The following ORC1 variants were observed in gnomAD, a reference collection of about 807,000 sequenced individuals.
ORC1 encodes the protein origin recognition complex, subunit 1 homolog.
Under a neutral mutation model 98.9 loss-of-function variants are expected in ORC1, and 61 were observed. That is an observed-to-expected ratio of 0.62 (90% confidence interval 0.50 to 0.76). The LOEUF (loss-of-function observed/expected upper bound fraction) is 0.76. ORC1 is among the 30% of genes least tolerant of loss of function. The probability of loss-of-function intolerance (pLI) is 0.00; values close to 1 mark genes in which losing one functional copy is unlikely to be tolerated. For missense variants in ORC1, 979 were observed against 1,072.2 expected (o/e 0.91, Z 1.21); for synonymous variants, 385 against 406.9 (o/e 0.95, Z 0.65).
Position 52,396,148 on chromosome 1 carries a change from G to A in ORC1, c.619C>T (p.His207Tyr). Residue 207 changes from histidine (H) to tyrosine (Y), a missense_variant, in exon 5 of 17, where the codon CAT becomes TAT. By Grantham distance (83) the His-to-Tyr change is moderately conservative (BLOSUM62 2). Coordinates refer to ENST00000371568, the MANE Select transcript of ORC1 (RefSeq NM_004153.4). ...CTTGATTCAATCCTTTTGGCCACAT[G>A]TTCTGCTGGGGTCCAAGAAGGGCTC... The part of the protein sequence containing the change: ...AESPSWTPAE[H>Y]VAKRIESRHS... 1 of 1,614,146 alleles carries A rather than the reference G, an allele frequency of 6.2e-7. No individual in the cohort carries two copies. The highest frequency in any genetic ancestry group is 1.1e-5 in the South Asian group (1 of 91,086).
At chr1:52,393,040 C>A (rs961725820) in intron 6 of ORC1, among the ~76,000 whole-genome samples, 1 of 152,098 alleles carries the variant, frequency 6.6e-6, no homozygotes, top group Non-Finnish European at 1.5e-5. Flanking sequence ...ACCTGTTCCC[C>A]AAAAACTATT....
upstream of ORC1, chr1:52,408,414 T>G: frequency 1.0e-6 from 1 of 954,138 alleles, no homozygotes; most frequent in Non-Finnish European, 1.7e-6. Context: ...ATATTTTAGC[T>G]GTCTTTCTTC....
Position 52,388,615 on chromosome 1 carries a change from C to A in ORC1, c.1210G>T (p.Asp404Tyr). The change falls in exon 8 of 17, where the codon GAC becomes TAC. Residue 404 changes from aspartate to tyrosine, a missense_variant. By Grantham distance (160) the Asp-to-Tyr change is radical (BLOSUM62 -3). Coordinates refer to ENST00000371568, the MANE Select transcript of ORC1 (RefSeq NM_004153.4). The part of the protein sequence containing the change: ...QLRFLGNSKS[D>Y]QEEKEILPAA... ...GGCAGAATCTCTTTCTCTTCTTGGT[C>A]ACTTTTACTATTACCTAGAAACCTG... is the stretch of plus-strand genomic sequence containing the variant. 1.2e-6 allele frequency: 2 copies of A among 1,613,882 alleles called. No homozygotes were observed. Among genetic ancestry groups the A allele is most frequent in the South Asian group, 2.2e-5 (2 of 91,034 alleles).
chr1:52,392,133 ACTT>A (rs542153876), intron 6 of ORC1, among the ~76,000 whole-genome samples: 2 of 150,804 alleles, frequency 1.3e-5, no homozygotes, highest in African/African-American at 2.4e-5. Context: ...AAAAGGGAAC[ACTT>A]CTTTTTTTTT....
chr1:52,406,284 A>C (rs186720903), upstream of ORC1, among the ~76,000 whole-genome samples: 418 of 151,830 alleles, frequency 2.8e-3, no homozygotes, highest in African/African-American at 8.9e-3. Context: ...GAGCCACCAC[A>C]CCCTGCCAAG....
At chr1:52,401,612 C>T (rs1647711713) in intron 2 of ORC1, 123 bp from the exon 3 acceptor site, 1 of 1,157,848 alleles carries the variant, frequency 8.6e-7, no homozygotes, top group Non-Finnish European at 1.3e-6. Context: ...AACTCTCCTA[C>T]TGGGAAACCA....
At chr1:52,408,436 A>G (rs74080953), upstream of ORC1, 16,180 of 1,184,440 alleles carry the variant, frequency 0.014, 371 homozygotes, top group African/African-American at 0.096. Flanking sequence ...GCTGCATTCT[A>G]CCTCCACAAT....
At chr1:52,404,528 C>A, upstream of ORC1, 1 of 488,216 alleles carries the variant, frequency 2.0e-6, no homozygotes, top group Non-Finnish European at 3.7e-6. Context: ...CTAAGAGGGG[C>A]GCATGACGTA....
At chr1:52,408,521 C>T, upstream of ORC1, 1 of 1,613,114 alleles carries the variant, frequency 6.2e-7, no homozygotes, top group Non-Finnish European at 8.5e-7. Flanking sequence ...TTGTAAAACT[C>T]AGGAACTTCT....
At chr1:52,392,090 C>A (rs1202708482) in intron 6 of ORC1, among the ~76,000 whole-genome samples, 2 of 150,786 alleles carry the variant, frequency 1.3e-5, no homozygotes, top group East Asian at 3.9e-4. Context: ...TTTAAAAAAT[C>A]AAAAAATAAT....
rs1279314262 is a variant in ORC1, at chr1:52,373,146, A to T, written c.*35T>A. The T allele has an allele frequency of 5.6e-6, 9 of 1,607,108 alleles. No homozygotes were observed. The highest frequency in any genetic ancestry group is 7.7e-6 in the Non-Finnish European group (9 of 1,174,636). ...GACCCTGTCTCAAAAAACAAAACCCAGCAAGACCCCAGTCTTTTAACTTGT... is the reference window on the plus strand; with the variant it reads ...GACCCTGTCTCAAAAAACAAAACCCTGCAAGACCCCAGTCTTTTAACTTGT... On this transcript the variant is annotated 3_prime_UTR_variant, in exon 17 of 17. Coordinates refer to ENST00000371568, the MANE Select transcript of ORC1 (RefSeq NM_004153.4).
At chr1:52,387,614 T>C (rs1183518005) in intron 8 of ORC1, among the ~76,000 whole-genome samples, 2 of 152,154 alleles carry the variant, frequency 1.3e-5, no homozygotes, top group East Asian at 1.9e-4. Flanking sequence ...CCTGCCACCA[T>C]GCCTGGCTAA....
At chr1:52,407,120 C>T (rs1432672503), upstream of ORC1, among the ~76,000 whole-genome samples, 1 of 152,178 alleles carries the variant, frequency 6.6e-6, no homozygotes, top group African/African-American at 2.4e-5. Flanking sequence ...TGGGTTCATG[C>T]CATTCTCCTG....
chr1:52,388,297 C>G, intron 8 of ORC1, 145 bp downstream of exon 8: 1 of 811,846 alleles, frequency 1.2e-6, no homozygotes, highest in Non-Finnish European at 2.2e-6. Context: ...GTCCCCTTCT[C>G]CATGAATATT....
chr1:52,384,509 A>T, intron 11 of ORC1, 41 bp downstream of exon 11: 1 of 1,585,574 alleles, frequency 6.3e-7, no homozygotes, highest in Non-Finnish European at 8.6e-7. Flanking sequence ...TGTGTCACGA[A>T]GAAACAGCAT....
rs769313282 is a variant in ORC1 at position 52,389,272 on chromosome 1, G to A, written c.1132C>T (p.Arg378Cys). Residue 378 changes from arginine to cysteine, a missense_variant, in exon 7 of 17, where the codon CGT (arginine) becomes TGT (cysteine). Coordinates refer to ENST00000371568, the MANE Select transcript of ORC1 (RefSeq NM_004153.4). ...AQNEATSTPHRIRRKSSVLTM... is the reference protein window; with the variant it reads ...AQNEATSTPHCIRRKSSVLTM... ...AAGACAGAACTCTTTCTGCGGATAC[G>A]ATGGGGAGTAGAGGTCGCTTCATTC... 5.0e-6 allele frequency: 8 copies of A among 1,614,060 alleles called. No homozygotes were observed. The highest frequency in any genetic ancestry group is 2.2e-5 in the East Asian group (1 of 44,898).
At chr1:52,377,523 C>T (rs1647009473) in intron 14 of ORC1, among the ~76,000 whole-genome samples, 1 of 151,648 alleles carries the variant, frequency 6.6e-6, no homozygotes, top group Non-Finnish European at 1.5e-5. Context: ...GATCCTCTCA[C>T]CTTGGCCTCC....
intron 14 of ORC1, among the ~76,000 whole-genome samples, chr1:52,381,322 C>T (rs985398368): frequency 5.3e-5 from 8 of 152,172 alleles, no homozygotes; most frequent in Non-Finnish European, 7.3e-5. Flanking sequence ...TTTCCTATAA[C>T]TTTCTGCATG....
intron 6 of ORC1, among the ~76,000 whole-genome samples, chr1:52,392,575 G>T (rs577438294): frequency 9.9e-5 from 15 of 152,200 alleles, no homozygotes; most frequent in East Asian, 3.9e-4. Context: ...CAAAGGAAAA[G>T]AAGTCATTAT....
Sources: gnomAD v4.1 joint callset for allele counts (sites outside exome capture counted in the v4.1 genomes callset) on GRCh38, gnomAD v4.1.1 for gene constraint, MANE v1.5 for transcripts, NCBI Gene and HGNC (gene_info 2026-07-23, HGNC 2026-07-21) for gene names.